Variants in ITPR3 observed in about 807,000 individuals in gnomAD.
The protein encoded by ITPR3 is inositol 1,4,5-trisphosphate-gated calcium channel ITPR3.
Under a neutral mutation model 293.2 loss-of-function variants are expected in ITPR3, and 173 were observed. The observed-to-expected ratio is 0.59, with a 90% CI of 0.52 to 0.67. ITPR3 has a LOEUF of 0.67. Among genes scored for constraint, ITPR3 ranks in the 30% least tolerant of loss-of-function variants. ITPR3 has a pLI of 0.00. For synonymous variants in ITPR3, 1,295 were observed against 1,444.4 expected, an observed-to-expected ratio of 0.90 and a Z score of 2.35; for missense variants, 2,796 against 3,592.1, an observed-to-expected ratio of 0.78 and a Z score of 5.66.
chr6:33,648,218 AC>A (rs1764112676), intron 2 of ITPR3, among the ~76,000 whole-genome samples: 1 of 151,666 alleles, frequency 6.6e-6, no homozygotes, highest in South Asian at 2.1e-4. Flanking sequence ...GGTGTGCGTC[AC>A]CACGCCTGGC....
At position 33,691,780 on chromosome 6, in the gene ITPR3, CAGCACA is replaced by C. The variant is rs1765399538; in HGVS notation, c.7331-20_7331-15del. The C allele has an allele frequency of 3.7e-6, 6 of 1,613,586 alleles. No homozygotes were observed. The highest frequency in any genetic ancestry group is 5.1e-6 in the Non-Finnish European group (6 of 1,179,850). On this transcript the variant is annotated splice_polypyrimidine_tract_variant and intron_variant, in intron 53 of 57. Transcript: ENST00000605930. The surrounding 1 kb of genome is among the most constrained non-coding windows in gnomAD (Gnocchi z 4.9). ...TAGGAGGAGCAGGCAGCCCGGGCCT[CAGCACA>C]CTCTCCGCTTGCAGAGGACAGGGAG...
intron 41 of ITPR3, 48 bp downstream of exon 41, chr6:33,685,875 C>T (rs1765217008): frequency 1.9e-6 from 3 of 1,544,208 alleles, no homozygotes; most frequent in African/African-American, 1.4e-5. Flanking sequence ...GGCCAGCCGG[C>T]ATGCAGACTA....
chr6:33,663,357 C>A, intron 9 of ITPR3, 143 bp from the exon 10 acceptor site: 1 of 772,584 alleles, frequency 1.3e-6, no homozygotes. Flanking sequence ...AAGGGCTCCC[C>A]TGGAATGATA....
In ITPR3 at chr6:33,695,018, A is replaced by G; in HGVS notation, c.7880A>G (p.Asp2627Gly). The change falls in exon 57 of 58, where the codon GAC becomes GGC. Residue 2627 changes from aspartate to glycine, a missense_variant. Coordinates refer to ENST00000605930, the MANE Select transcript of ITPR3 (RefSeq NM_002224.4). ...CAGAATGAGATTCGGATTCTCCAGG[A>G]CAAGCTCAACTCCACCATGAAGCTG... ...GEQNEIRILQ[D>G]KLNSTMKLVS... is the part of the protein sequence containing the mutation. The G allele has an allele frequency of 1.2e-6, 2 of 1,614,076 alleles. No individual in the cohort carries two copies. The highest frequency in any genetic ancestry group is 1.7e-6 in the Non-Finnish European group (2 of 1,180,016).
Position 33,687,534 on chromosome 6 carries a change from AGAG to A in ITPR3, c.6242_6244del (p.Glu2081del), listed in dbSNP as rs752684039. ...TGCTGAAGCCGGTGAAGCGCATTCA[AGAG>A]GAGGAGGCCGAGGGTATCTCTTCCA... On this transcript the variant is annotated inframe_deletion, in exon 46 of 58. Coordinates refer to ENST00000605930, the MANE Select transcript of ITPR3 (RefSeq NM_002224.4). This position sits in a 1 kb window ranked among gnomAD's most constrained non-coding sequence, Gnocchi z 5.3. 8 of 1,592,192 alleles carry A rather than the reference AGAG, an allele frequency of 5.0e-6. No homozygotes were observed. The highest frequency in any genetic ancestry group is 4.6e-5 in the East Asian group (2 of 43,852).
chr6:33,676,986 G>T, intron 26 of ITPR3, 29 bp from the exon 27 acceptor site: 2 of 1,613,960 alleles, frequency 1.2e-6, no homozygotes, highest in South Asian at 2.2e-5. Flanking sequence ...GCTGGGCCTG[G>T]CTGATCTCCT....
Position 33,663,790 on chromosome 6 carries a change from G to A in ITPR3, c.1058G>A (p.Cys353Tyr). Residue 353 changes from cysteine (C) to tyrosine (Y), a missense_variant, in exon 11 of 58, where the codon TGC becomes TAC. By Grantham distance (194) the Cys-to-Tyr change is radical (BLOSUM62 -2). Transcript: ENST00000605930. Reference protein sequence around the residue: ...RRNAGEKIKYCLVAVPHGNDI... With the variant: ...RRNAGEKIKYYLVAVPHGNDI... Reference sequence around the variant, plus strand: ...AATGCTGGGGAGAAGATCAAGTACTGCCTGGTGGCTGTGCCTCATGGCAAT... The same window carrying A: ...AATGCTGGGGAGAAGATCAAGTACTACCTGGTGGCTGTGCCTCATGGCAAT... 2 of 1,614,192 alleles carry A rather than the reference G, an allele frequency of 1.2e-6. No homozygotes were observed. Among genetic ancestry groups the A allele is most frequent in the Admixed American group, 1.7e-5 (1 of 60,024 alleles).
Position 33,633,330 on chromosome 6 carries a change from G to C in ITPR3, c.90-7154G>C, listed in dbSNP as rs1376502347. ...TGGAGGGACCTTGTGGGGAGGCGTTGGCGAGAGGGGGGTGAAGCGAAGCGG... is the reference window on the plus strand; with the variant it reads ...TGGAGGGACCTTGTGGGGAGGCGTTCGCGAGAGGGGGGTGAAGCGAAGCGG... On this transcript the variant is annotated intron_variant, in intron 1 of 57. Coordinates refer to ENST00000605930, the MANE Select transcript of ITPR3 (RefSeq NM_002224.4). This position sits in a 1 kb window ranked among gnomAD's most constrained non-coding sequence, Gnocchi z 5.2. 6.6e-6 allele frequency among the ~76,000 whole-genome samples: 1 copy of C among 152,222 alleles called. No individual in the cohort carries two copies. The highest frequency in any genetic ancestry group is 2.1e-4 in the South Asian group (1 of 4,834).
intron 7 of ITPR3, 74 bp downstream of exon 7, chr6:33,659,623 T>A (rs1333426090): frequency 7.7e-7 from 1 of 1,295,836 alleles, no homozygotes; most frequent in Admixed American, 1.8e-5. Context: ...TCCTGCCTTC[T>A]CCACCCGCCA....
intron 3 of ITPR3, among the ~76,000 whole-genome samples, chr6:33,656,667 C>T (rs1764313417): frequency 1.3e-5 from 2 of 152,320 alleles, no homozygotes; most frequent in East Asian, 3.9e-4. Context: ...CAGTTCACAT[C>T]CTGGGCAGAT....
At chr6:33,677,353 C>T (rs1764934074) in intron 27 of ITPR3, 151 bp from the exon 28 acceptor site, 3 of 1,047,048 alleles carry the variant, frequency 2.9e-6, no homozygotes, top group Admixed American at 2.5e-5. Flanking sequence ...TTTAGTGCTT[C>T]CCTAGCCTGT....
chr6:33,691,690 C>T lies in ITPR3; in HGVS notation c.7301C>T (p.Ser2434Leu), dbSNP rs1554140301. 6.2e-7 allele frequency: 1 copy of T among 1,613,924 alleles called. No individual in the cohort carries two copies. The highest frequency in any genetic ancestry group is 8.5e-7 in the Non-Finnish European group (1 of 1,179,988). ...AGTGGGGACAAGATGGACTGTGTCT[C>T]AGGGCTCTCGGTGCCTGAGGTCCTG... Reference protein sequence around the residue: ...TCSGDKMDCVSGLSVPEVLEE... With the variant: ...TCSGDKMDCVLGLSVPEVLEE... Residue 2434 changes from serine (S) to leucine (L), a missense_variant, in exon 53 of 58, where the codon TCA (serine) becomes TTA (leucine). By Grantham distance (145) the Ser-to-Leu change is moderately radical. Transcript: ENST00000605930. The surrounding 1 kb of genome is among the most constrained non-coding windows in gnomAD (Gnocchi z 4.9).
chr6:33,621,807 C>A lies in ITPR3; in HGVS notation c.89+116C>A. 1 of 740,236 alleles carries A rather than the reference C, an allele frequency of 1.4e-6. No individual in the cohort carries two copies. 45.9% of individuals were successfully genotyped at this position (740,236 alleles called of 1,614,324 possible). A position where few individuals can be genotyped will look rare whatever the true frequency, so the allele number is the denominator to read the frequency against. On this transcript the variant is annotated intron_variant, in intron 1 of 57. Transcript: ENST00000605930. The surrounding 1 kb of genome is among the most constrained non-coding windows in gnomAD (Gnocchi z 7.7). ...ATAGAGGCCTGGACGTCCCCCTAGT[C>A]TCAAGGAGCGGGAACGGCTCGCCTC...
In ITPR3 at chr6:33,670,987, C is replaced by T; in HGVS notation, c.2586+172C>T. On this transcript the variant is annotated intron_variant, in intron 20 of 57. Coordinates refer to ENST00000605930, the MANE Select transcript of ITPR3 (RefSeq NM_002224.4). This position sits in a 1 kb window ranked among gnomAD's most constrained non-coding sequence, Gnocchi z 6.7. The stretch of plus-strand genomic sequence containing the variant: ...AGGCTGGGATTCTCCAAGAGGCAGG[C>T]TCCTGTTCCAATGCCTGGGAAAGGG... 1 of 790,320 alleles carries T rather than the reference C, an allele frequency of 1.3e-6. No individual in the cohort carries two copies. The allele number at this position is 790,320 out of a possible 1,614,324, so 49.0% of individuals were successfully genotyped here.
chr6:33,680,921 C>T (rs931827925), intron 33 of ITPR3, among the ~76,000 whole-genome samples: 6 of 145,900 alleles, frequency 4.1e-5, no homozygotes, highest in Admixed American at 2.0e-4. Context: ...CCTGGGTTCA[C>T]GCCATTCTCC....
intron 2 of ITPR3, among the ~76,000 whole-genome samples, chr6:33,643,270 C>G (rs1003681084): frequency 6.6e-6 from 1 of 152,230 alleles, no homozygotes; most frequent in Non-Finnish European, 1.5e-5. Context: ...GGACTCCCAG[C>G]TCCCTGCCCG....
rs1764650578 is a variant in ITPR3 at position 33,667,785 on chromosome 6, C to T, written c.1714-7C>T. On this transcript the variant is annotated splice_polypyrimidine_tract_variant and splice_region_variant and intron_variant, in intron 15 of 57. Coordinates refer to ENST00000605930, the MANE Select transcript of ITPR3 (RefSeq NM_002224.4). This position sits in a 1 kb window ranked among gnomAD's most constrained non-coding sequence, Gnocchi z 4.4. ...CTCTGTGACCCCCAGCCTGTCTGCC[C>T]CCCCAGGAGCACATTGCCAAGCAGT... The T allele has an allele frequency of 1.2e-6, 2 of 1,613,850 alleles. No homozygotes were observed. Among genetic ancestry groups the T allele is most frequent in the Non-Finnish European group, 1.7e-6 (2 of 1,179,812 alleles).
rs546926410 is a variant in ITPR3 at position 33,626,700 on chromosome 6, G to A, written c.89+5009G>A. ...CAGCTTGTTCCGTTCTGTGCAGTGG[G>A]GCCCTTTGAGCCTTAAGTCTGAGAC... is the stretch of plus-strand genomic sequence containing the variant. On this transcript the variant is annotated intron_variant, in intron 1 of 57. Transcript: ENST00000605930. Among the ~76,000 whole-genome samples, 43 of 152,334 alleles carry A rather than the reference G, an allele frequency of 2.8e-4. No individual in the cohort carries two copies. In the South Asian group the frequency reaches 7.9e-3, roughly 28 times the overall value.
intron 56 of ITPR3, 116 bp from the exon 57 acceptor site, chr6:33,694,808 G>T: frequency 7.6e-7 from 1 of 1,311,882 alleles, no homozygotes. Flanking sequence ...ACACATCCCT[G>T]ACGAGTAGTT....
Sources: allele counts gnomAD v4.1 joint callset (sites outside exome capture counted in the v4.1 genomes callset), GRCh38; gene constraint gnomAD v4.1.1; non-coding constraint Gnocchi (gnomAD v3.1); transcripts MANE v1.5; gene names NCBI Gene and HGNC (gene_info 2026-07-23, HGNC 2026-07-21).